Variants in LYRM4 observed in about 807,000 individuals in gnomAD.
LYRM4 encodes the protein LYR motif containing 4, also known as LYR motif-containing protein 4.
In LYRM4, 9 loss-of-function variants were observed where a neutral mutation model predicts 11.7. The ratio of observed to expected loss-of-function variants is 0.77; its 90% confidence interval spans 0.46 to 1.34. The LOEUF is 1.34. Ranked by LOEUF, LYRM4 falls within the 40% of genes most tolerant of loss-of-function variation. The pLI is 0.00. For missense variants in LYRM4, 133 were observed against 112.5 expected (o/e 1.18, Z -0.82); for synonymous variants, 42 against 40.4 (o/e 1.04, Z -0.15).
At position 5,127,807 on chromosome 6, in the gene LYRM4, G is replaced by C. The variant is rs1561814762; in HGVS notation, c.208-18316C>G. Among the ~76,000 whole-genome samples the C allele has an allele frequency of 2.0e-5, 3 of 152,150 alleles. No individual in the cohort carries two copies. In the South Asian group the frequency reaches 6.2e-4, roughly 31 times the overall value. The stretch of plus-strand genomic sequence containing the variant: ...ATTTTTCTAATAGACAATGTGATCT[G>C]TATCATCCTTTTTTCATTTTTATTT... On this transcript the variant is annotated intron_variant, in intron 2 of 2. Coordinates refer to ENST00000330636, the MANE Select transcript of LYRM4 (RefSeq NM_020408.6).
intron 2 of LYRM4, among the ~76,000 whole-genome samples, chr6:5,152,757 C>A (rs553843170): frequency 1.9e-4 from 29 of 152,322 alleles, no homozygotes; most frequent in Admixed American, 1.0e-3. Flanking sequence ...TGGGGAAAGC[C>A]TTCCTCTTGG....
At chr6:5,232,288 C>A (rs536065787) in intron 1 of LYRM4, among the ~76,000 whole-genome samples, 1 of 152,358 alleles carries the variant, frequency 6.6e-6, no homozygotes, top group Non-Finnish European at 1.5e-5. Flanking sequence ...CTTGCAATCA[C>A]TCTGCAGAGC....
chr6:5,142,058 G>C (rs935107914), intron 2 of LYRM4, among the ~76,000 whole-genome samples: 1 of 152,164 alleles, frequency 6.6e-6, no homozygotes, highest in African/African-American at 2.4e-5. Flanking sequence ...AAGGAAACCG[G>C]TGTGGCAGAT....
At chr6:5,130,500 T>C (rs4959327) in intron 2 of LYRM4, among the ~76,000 whole-genome samples, 46,032 of 152,108 alleles carry the variant, frequency 0.3, 7,368 homozygotes, top group South Asian at 0.39. Flanking sequence ...TGCAGAACTG[T>C]AGGCACATGG....
At chr6:5,246,036 T>TA (rs1232851656) in intron 1 of LYRM4, among the ~76,000 whole-genome samples, 2 of 152,100 alleles carry the variant, frequency 1.3e-5, no homozygotes, top group Admixed American at 1.3e-4. Flanking sequence ...TTCTTTCCTT[T>TA]AAAAAATTAA....
Position 5,245,053 on chromosome 6 carries a change from A to G in LYRM4, c.86+15595T>C, listed in dbSNP as rs557657351. The stretch of plus-strand genomic sequence containing the variant: ...CATATGTGACACTGATCCCAAGGAC[A>G]AAGGAATCATGCTGACTTTATTTGC... On this transcript the variant is annotated intron_variant, in intron 1 of 2. Coordinates refer to ENST00000330636, the MANE Select transcript of LYRM4 (RefSeq NM_020408.6). Among the ~76,000 whole-genome samples the G allele has an allele frequency of 1.8e-3, 255 of 139,076 alleles. 1 individual carries two copies. The highest frequency in any genetic ancestry group is 3.2e-3 in the Non-Finnish European group (207 of 64,528). The allele number at this position is 139,076 out of a possible 152,430, so 91.2% of individuals were successfully genotyped here. A position where few individuals can be genotyped will look rare whatever the true frequency, so the allele number is the denominator to read the frequency against.
At chr6:5,145,757 G>A (rs941936315) in intron 2 of LYRM4, among the ~76,000 whole-genome samples, 10 of 152,144 alleles carry the variant, frequency 6.6e-5, no homozygotes, top group African/African-American at 2.2e-4. Flanking sequence ...CACTTCACGT[G>A]GTCTTATTTA....
intron 1 of LYRM4, among the ~76,000 whole-genome samples, chr6:5,246,350 C>T (rs2127763734): frequency 6.6e-6 from 1 of 152,272 alleles, no homozygotes; most frequent in Admixed American, 6.5e-5. Flanking sequence ...AAATTTGAAG[C>T]AAGGGGGTGG....
chr6:5,254,534 G>A (rs78702552), intron 1 of LYRM4, among the ~76,000 whole-genome samples: 3,297 of 152,236 alleles, frequency 0.022, 125 homozygotes, highest in African/African-American at 0.076. Context: ...GCACCAACTT[G>A]CTACCTAGGT....
At chr6:5,116,365 TACTC>T (rs1763118401) in intron 2 of LYRM4, among the ~76,000 whole-genome samples, 1 of 152,140 alleles carries the variant, frequency 6.6e-6, no homozygotes, top group South Asian at 2.1e-4. Flanking sequence ...GAAGGGGAAA[TACTC>T]AGTTCACACA....
the LYRM4 span, among the ~76,000 whole-genome samples, chr6:5,050,913 C>T: frequency 6.6e-6 from 1 of 152,078 alleles, no homozygotes; most frequent in African/African-American, 2.4e-5. Flanking sequence ...TAAAGATGCT[C>T]AAAGAGCTTG....
intron 2 of LYRM4, among the ~76,000 whole-genome samples, chr6:5,140,711 A>G (rs1757359455): frequency 6.6e-6 from 1 of 152,228 alleles, no homozygotes; most frequent in Admixed American, 6.5e-5. Context: ...CCATTCAACA[A>G]AAGCATGTTA....
the LYRM4 span, among the ~76,000 whole-genome samples, chr6:5,098,026 T>C: frequency 6.6e-6 from 1 of 152,188 alleles, no homozygotes; most frequent in Non-Finnish European, 1.5e-5. Flanking sequence ...TCTTGCTATG[T>C]TGCCCAGCTT....
intron 2 of LYRM4, among the ~76,000 whole-genome samples, chr6:5,110,395 T>G (rs1762826569): frequency 6.8e-6 from 1 of 147,804 alleles, no homozygotes; most frequent in African/African-American, 2.5e-5. Flanking sequence ...CAGAAGGCGA[T>G]CATGTCATTA....
chr6:5,207,997 T>C (rs562000660), intron 2 of LYRM4, among the ~76,000 whole-genome samples: 1 of 152,130 alleles, frequency 6.6e-6, no homozygotes, highest in Non-Finnish European at 1.5e-5. Flanking sequence ...CAAGTGAGAG[T>C]GCAGGTGGGC....
chr6:5,080,610 C>T, the LYRM4 span, among the ~76,000 whole-genome samples: 15 of 152,078 alleles, frequency 9.9e-5, no homozygotes, highest in Non-Finnish European at 2.2e-4. Flanking sequence ...GCAAGTGTGG[C>T]CTGGGAAACA....
At chr6:5,073,990 C>G in the LYRM4 span, among the ~76,000 whole-genome samples, 1 of 151,264 alleles carries the variant, frequency 6.6e-6, no homozygotes, top group South Asian at 2.1e-4. Flanking sequence ...CATTCTGACA[C>G]TATTCCAACA....
intron 2 of LYRM4, among the ~76,000 whole-genome samples, chr6:5,150,889 G>A (rs1758048983): frequency 6.6e-6 from 1 of 152,050 alleles, no homozygotes. Flanking sequence ...CAGCCTTTAT[G>A]AGAATGGTAT....
At chr6:5,256,385 G>A (rs1196672073) in intron 1 of LYRM4, among the ~76,000 whole-genome samples, 1 of 150,718 alleles carries the variant, frequency 6.6e-6, no homozygotes, top group East Asian at 2.0e-4. Context: ...AGCTACTCGG[G>A]AGGCTGAGGC....
Sources: allele counts gnomAD v4.1 joint callset (sites outside exome capture counted in the v4.1 genomes callset), GRCh38; gene constraint gnomAD v4.1.1; transcripts MANE v1.5; gene names NCBI Gene and HGNC (gene_info 2026-07-23, HGNC 2026-07-21).